SRPK2: variants seen among roughly 807,000 people sequenced by gnomAD.
The protein encoded by SRPK2 is SFRS protein kinase 2.
A neutral mutation model predicts 90.8 loss-of-function variants in SRPK2; 21 were observed. The ratio of observed to expected loss-of-function variants is 0.23; its 90% CI spans 0.16 to 0.33. The LOEUF (loss-of-function observed/expected upper bound fraction) is 0.33. Among genes scored for constraint, SRPK2 ranks in the 10% least tolerant of loss-of-function variants. SRPK2 has a pLI of 1.00. For synonymous variants in SRPK2, 288 were observed against 311.1 expected (o/e 0.93, Z 0.78); for missense variants, 620 against 869.0 (o/e 0.71, Z 3.60).
At chr7:105,133,287 T>C (rs1028335444) in intron 11 of SRPK2, among the ~76,000 whole-genome samples, 183 bp from the exon 12 acceptor site, 4 of 152,126 alleles carry the variant, frequency 2.6e-5, no homozygotes, top group African/African-American at 9.7e-5. Flanking sequence ...TGGAAAATAC[T>C]CCAGAAAAGA....
intron 2 of SRPK2, among the ~76,000 whole-genome samples, chr7:105,309,010 T>C (rs924497474): frequency 1.2e-4 from 19 of 152,144 alleles, no homozygotes; most frequent in African/African-American, 4.6e-4. Context: ...CCCAGTCCTT[T>C]GCTTCGATGT....
At chr7:105,351,494 A>T (rs887350349) in intron 2 of SRPK2, among the ~76,000 whole-genome samples, 13 of 150,524 alleles carry the variant, frequency 8.6e-5, no homozygotes, top group Admixed American at 2.7e-4. Flanking sequence ...TCCGTCTCAA[A>T]AATAATAATA....
chr7:105,377,731 G>A (rs1444478937), intron 2 of SRPK2, among the ~76,000 whole-genome samples: 2 of 151,992 alleles, frequency 1.3e-5, no homozygotes, highest in African/African-American at 4.8e-5. Flanking sequence ...GAAAAGCCTG[G>A]CCAAAGTCAC....
intron 7 of SRPK2, chr7:105,160,184 T>C (rs1046433541): frequency 5.8e-6 from 1 of 171,580 alleles, no homozygotes; most frequent in African/African-American, 2.4e-5. Flanking sequence ...TACTTCCTAA[T>C]GAACTAAGTG....
At chr7:105,310,785 T>C (rs530132768) in intron 2 of SRPK2, among the ~76,000 whole-genome samples, 210 of 152,318 alleles carry the variant, frequency 1.4e-3, no homozygotes, top group Middle Eastern at 0.01. Context: ...CCAATCTTTA[T>C]TCTACTTATT....
At chr7:105,301,387 C>A in intron 2 of SRPK2, 1 of 613,204 alleles carries the variant, frequency 1.6e-6, no homozygotes, top group Non-Finnish European at 2.9e-6. Context: ...TTGGCACCTG[C>A]CAGTGCCAAG....
At chr7:105,293,106 T>C (rs1215387525) in intron 2 of SRPK2, among the ~76,000 whole-genome samples, 1 of 152,086 alleles carries the variant, frequency 6.6e-6, no homozygotes, top group East Asian at 1.9e-4. Context: ...GAGACCAGCT[T>C]GGCAAACATG....
intron 2 of SRPK2, among the ~76,000 whole-genome samples, chr7:105,315,184 C>T (rs180781994): frequency 2.6e-4 from 39 of 152,274 alleles, no homozygotes; most frequent in African/African-American, 8.9e-4. Flanking sequence ...GCCCTAGCCA[C>T]TGAAAGTCAA....
Position 105,385,004 on chromosome 7 carries a change from G to A in SRPK2, c.71+3644C>T, listed in dbSNP as rs572485292. On this transcript the variant is annotated intron_variant, in intron 2 of 15. Coordinates refer to ENST00000393651, the MANE Select transcript of SRPK2 (RefSeq NM_182692.3). Reference sequence around the variant, plus strand: ...CCATTCTCCTGCCTCAGCCTCCCGAGTAGCTGGGACTACAGGCGCCCACAC... The same window carrying A: ...CCATTCTCCTGCCTCAGCCTCCCGAATAGCTGGGACTACAGGCGCCCACAC... Among the ~76,000 whole-genome samples the A allele has an allele frequency of 1.0e-3, 152 of 150,544 alleles. 1 individual carries two copies. The highest frequency in any genetic ancestry group is 3.5e-3 in the African/African-American group (142 of 40,906).
chr7:105,337,081 C>T (rs1035836972), intron 2 of SRPK2, among the ~76,000 whole-genome samples: 2 of 151,976 alleles, frequency 1.3e-5, no homozygotes. Context: ...GGATTACAGG[C>T]ATGAGCCACC....
intron 3 of SRPK2, among the ~76,000 whole-genome samples, chr7:105,197,104 G>A (rs1293931390): frequency 6.6e-6 from 1 of 152,000 alleles, no homozygotes; most frequent in African/African-American, 2.4e-5. Context: ...GGGGGGCAGG[G>A]AGGGAAGGAG....
At chr7:105,269,177 T>C (rs1805498490) in intron 2 of SRPK2, 2 of 781,708 alleles carry the variant, frequency 2.6e-6, no homozygotes, top group Non-Finnish European at 3.1e-6. Context: ...TTTAGCAAAA[T>C]AAAATACAAA....
At chr7:105,233,071 G>A (rs1799658711) in intron 2 of SRPK2, among the ~76,000 whole-genome samples, 1 of 140,120 alleles carries the variant, frequency 7.1e-6, no homozygotes, top group South Asian at 2.3e-4. Flanking sequence ...AGCAAGGAAG[G>A]AAGGAAGGAA....
At chr7:105,347,962 T>C (rs902066353) in intron 2 of SRPK2, among the ~76,000 whole-genome samples, 1 of 150,834 alleles carries the variant, frequency 6.6e-6, no homozygotes, top group African/African-American at 2.4e-5. Flanking sequence ...GACAGCTGTA[T>C]CAAAATTGCA....
intron 2 of SRPK2, among the ~76,000 whole-genome samples, chr7:105,224,167 T>A (rs1466046418): frequency 6.6e-6 from 1 of 152,208 alleles, no homozygotes; most frequent in Non-Finnish European, 1.5e-5. Context: ...TCTATATTTT[T>A]AAATATTTAT....
intron 2 of SRPK2, among the ~76,000 whole-genome samples, chr7:105,374,755 G>A (rs1056420288): frequency 7.2e-5 from 11 of 151,774 alleles, no homozygotes; most frequent in African/African-American, 1.2e-4. Context: ...GATTACAGGC[G>A]CCCGCCACCA....
At chr7:105,254,853 C>T (rs1270029538) in intron 2 of SRPK2, among the ~76,000 whole-genome samples, 1 of 123,088 alleles carries the variant, frequency 8.1e-6, no homozygotes, top group African/African-American at 2.5e-5. Context: ...CCACACCCAG[C>T]TAATTTTTGT....
At chr7:105,341,053 A>C (rs1217053098) in intron 2 of SRPK2, among the ~76,000 whole-genome samples, 1 of 152,178 alleles carries the variant, frequency 6.6e-6, no homozygotes, top group African/African-American at 2.4e-5. Flanking sequence ...TATCTCACGC[A>C]GGATATGGCC....
intron 2 of SRPK2, among the ~76,000 whole-genome samples, chr7:105,337,472 G>A (rs1209206371): frequency 6.6e-6 from 1 of 151,726 alleles, no homozygotes; most frequent in African/African-American, 2.4e-5. Flanking sequence ...CTGCCACCAA[G>A]CCCAGCTAAT....
Sources: gnomAD v4.1 joint callset for allele counts (sites outside exome capture counted in the v4.1 genomes callset) on GRCh38, gnomAD v4.1.1 for gene constraint, MANE v1.5 for transcripts, NCBI Gene and HGNC (gene_info 2026-07-23, HGNC 2026-07-21) for gene names.